Variants in RAP1GAP2 observed in about 807,000 individuals in gnomAD.
The protein encoded by RAP1GAP2 is RAP1 GTPase activating protein 2, also known as rap1 GTPase-activating protein 2.
A neutral mutation model predicts 95.0 loss-of-function variants in RAP1GAP2; 27 were observed. That is an observed-to-expected ratio of 0.28 (90% confidence interval 0.21 to 0.39). RAP1GAP2 has a LOEUF of 0.39. RAP1GAP2 is among the 10% of genes least tolerant of loss of function. The pLI, the probability that RAP1GAP2 is intolerant of heterozygous loss-of-function variation, is 1.00. For missense variants in RAP1GAP2, 771 were observed against 970.0 expected (o/e 0.79, Z 2.72); for synonymous variants, 373 against 380.9 (o/e 0.98, Z 0.24).
intron 2 of RAP1GAP2, among the ~76,000 whole-genome samples, chr17:2,850,918 G>A (rs957553662): frequency 6.6e-6 from 1 of 152,092 alleles, no homozygotes; most frequent in Admixed American, 6.6e-5. Flanking sequence ...AAATTAGCCC[G>A]ATGTGGTGGC....
chr17:2,863,401 GGCTGGGCAGCCTGGCTGGGA>G (rs1435200934), intron 2 of RAP1GAP2, among the ~76,000 whole-genome samples: 6 of 152,134 alleles, frequency 3.9e-5, no homozygotes, highest in Non-Finnish European at 8.8e-5. Flanking sequence ...AGTCCTCCAG[GGCTGGGCAGCCTGGCTGGGA>G]GCTGGGGACG....
At chr17:2,987,707 G>A (rs948593101) in intron 11 of RAP1GAP2, among the ~76,000 whole-genome samples, 1 of 151,744 alleles carries the variant, frequency 6.6e-6, no homozygotes, top group Non-Finnish European at 1.5e-5. Context: ...CCTCTAACTG[G>A]AAAACCAGTA....
intron 3 of RAP1GAP2, among the ~76,000 whole-genome samples, chr17:2,918,432 CAA>C (rs533808717): frequency 3.4e-4 from 22 of 65,406 alleles, no homozygotes; most frequent in African/African-American, 6.5e-4. Flanking sequence ...GACTCCATCT[CAA>C]AAAAAAAAAA....
upstream of RAP1GAP2, among the ~76,000 whole-genome samples, chr17:2,795,293 T>A (rs931982960): frequency 6.6e-6 from 1 of 152,010 alleles, no homozygotes; most frequent in African/African-American, 2.4e-5. Context: ...TCTGTTGTAG[T>A]GTACGTGCCA....
intron 1 of RAP1GAP2, among the ~76,000 whole-genome samples, chr17:2,757,022 G>T (rs542399477): frequency 1.1e-4 from 17 of 152,354 alleles, no homozygotes. Flanking sequence ...AGAGCAGGAG[G>T]TGCCAATGGG....
chr17:2,934,802 G>A (rs1460123905), intron 3 of RAP1GAP2, among the ~76,000 whole-genome samples: 6 of 152,208 alleles, frequency 3.9e-5, no homozygotes, highest in East Asian at 3.9e-4. Flanking sequence ...TTAGTTTGAC[G>A]AAATCTGGTG....
chr17:2,840,476 T>A (rs1452180584), intron 2 of RAP1GAP2, among the ~76,000 whole-genome samples: 1 of 152,096 alleles, frequency 6.6e-6, no homozygotes, highest in Non-Finnish European at 1.5e-5. Flanking sequence ...ATTCTTTATT[T>A]TCTTCCATCC....
chr17:3,017,720 G>A (rs924263384), intron 17 of RAP1GAP2, among the ~76,000 whole-genome samples: 5 of 152,042 alleles, frequency 3.3e-5, no homozygotes, highest in African/African-American at 9.7e-5. Flanking sequence ...CAGGCTTGGC[G>A]AGCTCCAAGC....
At chr17:2,774,278 G>A (rs769795168), upstream of RAP1GAP2, among the ~76,000 whole-genome samples, 3 of 152,068 alleles carry the variant, frequency 2.0e-5, no homozygotes, top group Non-Finnish European at 4.4e-5. Context: ...GGGAAGAGAA[G>A]GTCCTGCTGT....
At chr17:2,872,001 A>C (rs1222726165) in intron 2 of RAP1GAP2, among the ~76,000 whole-genome samples, 2 of 152,072 alleles carry the variant, frequency 1.3e-5, no homozygotes, top group African/African-American at 4.8e-5. Flanking sequence ...AGGTGGGTGA[A>C]TCACCTGAGG....
At chr17:2,879,270 C>G (rs2073203298) in intron 2 of RAP1GAP2, among the ~76,000 whole-genome samples, 2 of 152,102 alleles carry the variant, frequency 1.3e-5, no homozygotes, top group South Asian at 4.1e-4. Context: ...CACCCGCCAC[C>G]ATAACTGGCT....
intron 3 of RAP1GAP2, among the ~76,000 whole-genome samples, chr17:2,950,790 T>C (rs2043896499): frequency 6.6e-6 from 1 of 151,858 alleles, no homozygotes; most frequent in South Asian, 2.1e-4. Context: ...TTTGTATTTT[T>C]AGTAGAGATG....
intron 22 of RAP1GAP2, among the ~76,000 whole-genome samples, chr17:3,028,966 A>T (rs2151668482): frequency 6.6e-6 from 1 of 151,990 alleles, no homozygotes; most frequent in South Asian, 2.1e-4. Flanking sequence ...TGCCCGGCTA[A>T]TTTTTTTATT....
At chr17:2,755,905 C>T (rs1039171223) in intron 1 of RAP1GAP2, 9 of 283,188 alleles carry the variant, frequency 3.2e-5, no homozygotes, top group African/African-American at 1.8e-4. Context: ...GGAGGGGCGC[C>T]GGCTGCCTGG....
In RAP1GAP2 at chr17:2,857,509, G is replaced by A. The variant is rs376626575; in HGVS notation, c.81-47775G>A. 5.3e-5 allele frequency among the ~76,000 whole-genome samples: 8 copies of A among 152,174 alleles called. No homozygotes were observed. The highest frequency in any genetic ancestry group is 1.7e-4 in the African/African-American group (7 of 41,436). On this transcript the variant is annotated intron_variant, in intron 2 of 24. Coordinates refer to ENST00000254695, the MANE Select transcript of RAP1GAP2 (RefSeq NM_015085.5). The surrounding 1 kb of genome is among the most constrained non-coding windows in gnomAD (Gnocchi z 4.0). ...GGTGATCATCATGTTGGACTTGACC[G>A]TGCTCTACGGGAGCTGTGGGGCAGC...
chr17:2,939,098 T>G (rs1443057678), intron 3 of RAP1GAP2, among the ~76,000 whole-genome samples: 1 of 152,214 alleles, frequency 6.6e-6, no homozygotes, highest in Non-Finnish European at 1.5e-5. Flanking sequence ...TATTCTTTTT[T>G]TTTCTTTTTT....
intron 3 of RAP1GAP2, among the ~76,000 whole-genome samples, chr17:2,930,043 A>G (rs1374966566): frequency 1.3e-5 from 2 of 152,216 alleles, no homozygotes; most frequent in East Asian, 3.9e-4. Context: ...CCTTGGGGCC[A>G]TGGTGTGTCA....
intron 8 of RAP1GAP2, among the ~76,000 whole-genome samples, chr17:2,969,493 A>ATTTTTTTTTT (rs2044761423): frequency 9.8e-6 from 1 of 101,880 alleles, no homozygotes; most frequent in African/African-American, 3.7e-5. Context: ...AAATATATAT[A>ATTTTTTTTTT]TTCTTTTTTT....
chr17:3,003,107 C>T lies in RAP1GAP2; in HGVS notation c.1201-2262C>T, dbSNP rs75154189. ...AAGCCCCTGGTGAGACAAGACCTCT[C>T]GCTAGAGGGAGGAAATGGAAGCTGA... On this transcript the variant is annotated intron_variant, in intron 14 of 24. Transcript: ENST00000254695. The surrounding 1 kb of genome is among the most constrained non-coding windows in gnomAD (Gnocchi z 4.1). Among the ~76,000 whole-genome samples, 2,804 of 152,166 alleles carry T rather than the reference C, an allele frequency of 0.018. 76 individuals are homozygous for T. The highest frequency in any genetic ancestry group is 0.06 in the African/African-American group (2,487 of 41,478).
Sources: allele counts gnomAD v4.1 joint callset (sites outside exome capture counted in the v4.1 genomes callset), GRCh38; gene constraint gnomAD v4.1.1; non-coding constraint Gnocchi (gnomAD v3.1); transcripts MANE v1.5; gene names NCBI Gene and HGNC (gene_info 2026-07-23, HGNC 2026-07-21).